XRCC6: variants seen among roughly 807,000 people sequenced by gnomAD.
XRCC6 encodes the protein DNA repair protein Ku70.
XRCC6 carries 5 observed loss-of-function variants against 65.7 expected under a neutral mutation model. The ratio of observed to expected loss-of-function variants is 0.08; its 90% CI spans 0.04 to 0.16. The LOEUF (loss-of-function observed/expected upper bound fraction) is 0.16. Ranked by LOEUF, XRCC6 falls within the 10% of genes least tolerant of loss-of-function variation. The probability of loss-of-function intolerance (pLI) is 1.00; values close to 1 mark genes in which losing one functional copy is unlikely to be tolerated. For missense variants in XRCC6, 447 were observed against 738.1 expected (o/e 0.61, Z 4.57); for synonymous variants, 270 against 270.6 (o/e 1.00, Z 0.02).
intron 5 of XRCC6, 110 bp downstream of exon 5, chr22:41,636,880 T>TGG: frequency 7.1e-7 from 1 of 1,404,658 alleles, no homozygotes; most frequent in Non-Finnish European, 9.5e-7. Flanking sequence ...CCCAAGTAGC[T>TGG]GGGACTATAA....
intron 2 of XRCC6, among the ~76,000 whole-genome samples, chr22:41,627,848 T>G (rs1235247956): frequency 6.6e-6 from 1 of 151,950 alleles, no homozygotes; most frequent in Non-Finnish European, 1.5e-5. Context: ...CACTCCAGCC[T>G]GGGTGATGGG....
rs28384743 is a variant in XRCC6 at position 41,640,908 on chromosome 22, G to A, written c.773+3117G>A. 6.7e-3 allele frequency among the ~76,000 whole-genome samples: 1,015 copies of A among 152,154 alleles called. 11 individuals carry two copies. The highest frequency in any genetic ancestry group is 0.023 in the African/African-American group (954 of 41,504). On this transcript the variant is annotated intron_variant, in intron 6 of 12. Transcript: ENST00000360079. ...TCTAGTCCTGGTCCCTTTGCTATGC[G>A]ACCTGACTTCTCTGAGCCTTAGTAA...
intron 2 of XRCC6, among the ~76,000 whole-genome samples, chr22:41,623,876 C>T (rs1056319169): frequency 1.3e-5 from 2 of 152,078 alleles, no homozygotes; most frequent in Admixed American, 6.6e-5. Flanking sequence ...GTGTGCGCCA[C>T]CACACTCGGC....
At chr22:41,633,932 T>G (rs1181740110) in intron 3 of XRCC6, among the ~76,000 whole-genome samples, 1 of 152,242 alleles carries the variant, frequency 6.6e-6, no homozygotes, top group African/African-American at 2.4e-5. Flanking sequence ...TTTTAGTTTT[T>G]GTTTTTAATT....
At chr22:41,661,886 C>T (rs2068103089) in intron 12 of XRCC6, among the ~76,000 whole-genome samples, 2 of 152,166 alleles carry the variant, frequency 1.3e-5, no homozygotes, top group African/African-American at 2.4e-5. Context: ...GGTACACGTA[C>T]ACAATGGAGT....
At chr22:41,641,430 A>G (rs1027566811) in intron 6 of XRCC6, among the ~76,000 whole-genome samples, 5 of 152,334 alleles carry the variant, frequency 3.3e-5, no homozygotes, top group East Asian at 1.9e-4. Flanking sequence ...TGGGTTATCT[A>G]TCACCTTAAG....
At chr22:41,627,921 T>C (rs540733607) in intron 2 of XRCC6, among the ~76,000 whole-genome samples, 197 bp from the exon 3 acceptor site, 93 of 151,786 alleles carry the variant, frequency 6.1e-4, no homozygotes, top group African/African-American at 2.1e-3. Context: ...GTGGGTGTTG[T>C]AATTGGGAGG....
At chr22:41,661,593 G>A (rs28384781) in intron 12 of XRCC6, 149 bp downstream of exon 12, 15,233 of 668,216 alleles carry the variant, frequency 0.023, 469 homozygotes, top group African/African-American at 0.092. Context: ...ACAAATGCTG[G>A]CAAAGATGTG....
At chr22:41,653,207 C>T (rs1368064329) in intron 8 of XRCC6, among the ~76,000 whole-genome samples, 1 of 151,824 alleles carries the variant, frequency 6.6e-6, no homozygotes, top group African/African-American at 2.4e-5. Context: ...AGTTGGAGAC[C>T]AGCGTGGGTG....
chr22:41,645,758 C>T (rs1038763122), intron 6 of XRCC6, among the ~76,000 whole-genome samples: 7 of 149,186 alleles, frequency 4.7e-5, no homozygotes, highest in East Asian at 2.0e-4. Context: ...TGCGGTGGCA[C>T]GATCTTGGCT....
chr22:41,642,920 G>A (rs940271150), intron 6 of XRCC6, among the ~76,000 whole-genome samples: 10 of 152,150 alleles, frequency 6.6e-5, no homozygotes, highest in Non-Finnish European at 1.3e-4. Context: ...TTGATCTGAA[G>A]GTATATTAGG....
intron 6 of XRCC6, among the ~76,000 whole-genome samples, chr22:41,645,668 C>G (rs1054538640): frequency 6.6e-6 from 1 of 150,594 alleles, no homozygotes; most frequent in Non-Finnish European, 1.5e-5. Flanking sequence ...GTTAAGTAAC[C>G]CTTATTTTGA....
intron 12 of XRCC6, 162 bp downstream of exon 12, chr22:41,661,606 GA>G: frequency 1.6e-6 from 1 of 636,326 alleles, no homozygotes; most frequent in Non-Finnish European, 2.7e-6. Context: ...AAGATGTGGA[GA>G]AAAGGGAACC....
At chr22:41,634,186 ATT>A (rs757276375) in intron 3 of XRCC6, among the ~76,000 whole-genome samples, 63 of 140,272 alleles carry the variant, frequency 4.5e-4, no homozygotes, top group African/African-American at 6.5e-4. Context: ...CCAAAACTTA[ATT>A]TTTTTTTTTT....
intron 3 of XRCC6, among the ~76,000 whole-genome samples, chr22:41,628,963 C>CT (rs2067708908): frequency 2.3e-5 from 1 of 43,350 alleles, no homozygotes; most frequent in Admixed American, 2.6e-4. Context: ...GAGACTCTGT[C>CT]TCAAAAAAAA....
chr22:41,649,139 A>C (rs5751134), intron 7 of XRCC6, among the ~76,000 whole-genome samples: 3 of 88,736 alleles, frequency 3.4e-5, no homozygotes, highest in East Asian at 2.9e-4. Context: ...AAAAAAAAAA[A>C]ATATATATAT....
intron 12 of XRCC6, among the ~76,000 whole-genome samples, chr22:41,662,409 AT>A (rs1271707575): frequency 1.3e-5 from 2 of 152,328 alleles, no homozygotes; most frequent in Admixed American, 6.5e-5. Context: ...AACCATACAT[AT>A]TTACACATAC....
In XRCC6 at chr22:41,621,353, G is replaced by T. The variant is rs1369246164; in HGVS notation, c.-16+8G>T. 4 of 173,668 alleles carry T rather than the reference G, an allele frequency of 2.3e-5. No individual in the cohort carries two copies. The South Asian group carries it at 5.0e-4, about 22-fold the overall frequency. 10.8% of individuals were successfully genotyped at this position (173,668 alleles called of 1,614,324 possible). A position where few individuals can be genotyped will look rare whatever the true frequency, so the allele number is the denominator to read the frequency against. ...CGCTTCCCTGCGCCAAAGGTAAGCG[G>T]GCCGTTATCCATTTGTGTTGTTCGC... On this transcript the variant is annotated splice_region_variant and intron_variant, in intron 1 of 12. Coordinates refer to ENST00000360079, the MANE Select transcript of XRCC6 (RefSeq NM_001469.5).
At chr22:41,661,292 T>C in intron 11 of XRCC6, 39 bp from the exon 12 acceptor site, 1 of 1,580,558 alleles carries the variant, frequency 6.3e-7, no homozygotes, top group South Asian at 1.1e-5. Context: ...CTGGGGCTCG[T>C]GACTCACCAG....
Sources: gnomAD v4.1 joint callset for allele counts (sites outside exome capture counted in the v4.1 genomes callset) on GRCh38, gnomAD v4.1.1 for gene constraint, MANE v1.5 for transcripts, NCBI Gene and HGNC (gene_info 2026-07-23, HGNC 2026-07-21) for gene names.